Variants in BCAS3 observed in about 807,000 individuals in gnomAD.
BCAS3 encodes BCAS3 microtubule associated cell migration factor.
In BCAS3, 53 loss-of-function variants were observed where a neutral mutation model predicts 116.1. The observed-to-expected ratio is 0.46, with a 90% CI of 0.37 to 0.57. The LOEUF is 0.57. BCAS3 is among the 20% of genes least tolerant of loss of function. The pLI is 0.00. For missense variants in BCAS3, 917 were observed against 1,165.4 expected, an observed-to-expected ratio of 0.79 and a Z score of 3.10; for synonymous variants, 391 against 408.2, an observed-to-expected ratio of 0.96 and a Z score of 0.51.
At chr17:60,830,629 C>T (rs916113521) in intron 7 of BCAS3, among the ~76,000 whole-genome samples, 1 of 151,892 alleles carries the variant, frequency 6.6e-6, no homozygotes. Flanking sequence ...TACTGAGGAC[C>T]AAATATTTGA....
rs560233572 is a variant in BCAS3 at position 61,243,104 on chromosome 17, G to A, written c.2426-125223G>A. Among the ~76,000 whole-genome samples the A allele has an allele frequency of 4.7e-4, 72 of 152,164 alleles. No homozygotes were observed. The highest frequency in any genetic ancestry group is 1.6e-3 in the African/African-American group (68 of 41,512). ...TTTTTGTATTTTTAGTAGAGATGGGGTTTCACCATGTTGGCCAAGATGGCC... is the reference window on the plus strand; with the variant it reads ...TTTTTGTATTTTTAGTAGAGATGGGATTTCACCATGTTGGCCAAGATGGCC... On this transcript the variant is annotated intron_variant, in intron 22 of 23. Coordinates refer to ENST00000407086, the MANE Select transcript of BCAS3 (RefSeq NM_017679.5). This position sits in a 1 kb window ranked among gnomAD's most constrained non-coding sequence, Gnocchi z 5.6.
In BCAS3 at chr17:61,118,686, A is replaced by C. The variant is rs1484326850; in HGVS notation, c.2425+34122A>C. Reference sequence around the variant, plus strand: ...GTAGAGAGAAGCAATTATTGTCTAAAAGTTTCTGTCTTGCTAGGCTACACA... The same window carrying C: ...GTAGAGAGAAGCAATTATTGTCTAACAGTTTCTGTCTTGCTAGGCTACACA... On this transcript the variant is annotated intron_variant, in intron 22 of 23. Transcript: ENST00000407086. The surrounding 1 kb of genome is among the most constrained non-coding windows in gnomAD (Gnocchi z 5.0). Among the ~76,000 whole-genome samples the C allele has an allele frequency of 6.6e-6, 1 of 151,978 alleles. No homozygotes were observed. Among genetic ancestry groups the C allele is most frequent in the African/African-American group, 2.4e-5 (1 of 41,368 alleles).
intron 16 of BCAS3, 76 bp downstream of exon 16, chr17:61,015,977 C>A (rs2065427011): frequency 7.0e-7 from 1 of 1,430,296 alleles, no homozygotes; most frequent in Non-Finnish European, 9.6e-7. Context: ...CATACTTTTT[C>A]TTTGTGTGGT....
chr17:61,295,000 A>G (rs2052759286), intron 22 of BCAS3, among the ~76,000 whole-genome samples: 1 of 152,140 alleles, frequency 6.6e-6, no homozygotes, highest in Admixed American at 6.5e-5. Flanking sequence ...TGACATCACT[A>G]CTCAAGACTG....
rs1048375961 is a variant in BCAS3 at position 61,381,496 on chromosome 17, A to G, written c.2594-10481A>G. On this transcript the variant is annotated intron_variant, in intron 23 of 23. Transcript: ENST00000407086. The surrounding 1 kb of genome is among the most constrained non-coding windows in gnomAD (Gnocchi z 6.0). ...AAGAGGGCAACAGAGGCCGTGCCCC[A>G]ACACCATTCCTTTGGCTAGGCTTGG... is the stretch of plus-strand genomic sequence containing the variant. 6.6e-5 allele frequency among the ~76,000 whole-genome samples: 10 copies of G among 152,196 alleles called. No individual in the cohort carries two copies. The highest frequency in any genetic ancestry group is 2.4e-4 in the African/African-American group (10 of 41,460).
chr17:60,734,513 G>A (rs2040776086), intron 5 of BCAS3, among the ~76,000 whole-genome samples: 1 of 152,202 alleles, frequency 6.6e-6, no homozygotes. Context: ...TGTGAAGGGT[G>A]TAAGGTCTGT....
rs1270983858 is a variant in BCAS3, at chr17:61,356,120, G to A, written c.2426-12207G>A. Among the ~76,000 whole-genome samples, 1 of 152,190 alleles carries A rather than the reference G, an allele frequency of 6.6e-6. No individual in the cohort carries two copies. Among genetic ancestry groups the A allele is most frequent in the Admixed American group, 6.5e-5 (1 of 15,290 alleles). ...AGTGATTCTCCTGCCTCAGCCTCCCGAGTAGCTGGGATTACAGGCGCCTGC... is the reference window on the plus strand; with the variant it reads ...AGTGATTCTCCTGCCTCAGCCTCCCAAGTAGCTGGGATTACAGGCGCCTGC... On this transcript the variant is annotated intron_variant, in intron 22 of 23. Transcript: ENST00000407086. The surrounding 1 kb of genome is among the most constrained non-coding windows in gnomAD (Gnocchi z 5.4).
chr17:60,845,709 C>G (rs1252644411), intron 7 of BCAS3, among the ~76,000 whole-genome samples: 1 of 152,076 alleles, frequency 6.6e-6, no homozygotes, highest in Non-Finnish European at 1.5e-5. Flanking sequence ...GCTATCGTTC[C>G]TAGAGGTTCC....
chr17:61,046,215 T>C (rs976662336), intron 19 of BCAS3, among the ~76,000 whole-genome samples: 2 of 137,444 alleles, frequency 1.5e-5, no homozygotes, highest in Non-Finnish European at 3.1e-5. Flanking sequence ...TATTACTCTC[T>C]TGCTTTCTCC....
chr17:61,002,560 T>C (rs953155502), intron 15 of BCAS3: 2 of 152,160 alleles, frequency 1.3e-5, no homozygotes, highest in Non-Finnish European at 2.9e-5. Context: ...TTTCTTCCTT[T>C]TTATTATGTT....
chr17:61,017,076 G>A lies in BCAS3; in HGVS notation c.1637+1175G>A, dbSNP rs1474157838. 6.6e-6 allele frequency: 1 copy of A among 151,970 alleles called. No individual in the cohort carries two copies. Among genetic ancestry groups the A allele is most frequent in the Admixed American group, 6.6e-5 (1 of 15,256 alleles). The allele number at this position is 151,970 out of a possible 1,614,324, so 9.4% of individuals were successfully genotyped here. A position where few individuals can be genotyped will look rare whatever the true frequency, so the allele number is the denominator to read the frequency against. On this transcript the variant is annotated intron_variant, in intron 16 of 23. Transcript: ENST00000407086. This position sits in a 1 kb window ranked among gnomAD's most constrained non-coding sequence, Gnocchi z 4.7. ...AGACATCTTAAGGCACCAATAATTTGGTCTGTATATCTTTTTAATTTTTTT... is the reference window on the plus strand; with the variant it reads ...AGACATCTTAAGGCACCAATAATTTAGTCTGTATATCTTTTTAATTTTTTT...
chr17:61,380,488 A>G lies in BCAS3; in HGVS notation c.2594-11489A>G, dbSNP rs780010514. ...AGTTTGTGATCCGCTTTAAAGGAAT[A>G]TTTTATTTTCAATACAGACACAGCC... On this transcript the variant is annotated intron_variant, in intron 23 of 23. Coordinates refer to ENST00000407086, the MANE Select transcript of BCAS3 (RefSeq NM_017679.5). This position sits in a 1 kb window ranked among gnomAD's most constrained non-coding sequence, Gnocchi z 4.2. 1 of 1,593,932 alleles carries G rather than the reference A, an allele frequency of 6.3e-7. No homozygotes were observed. Among genetic ancestry groups the G allele is most frequent in the Non-Finnish European group, 8.5e-7 (1 of 1,175,982 alleles).
chr17:61,304,669 C>T (rs1269810257), intron 22 of BCAS3, among the ~76,000 whole-genome samples: 3 of 152,168 alleles, frequency 2.0e-5, no homozygotes, highest in African/African-American at 7.2e-5. Flanking sequence ...ATGTCCCTGA[C>T]ACAGGTAGTC....
chr17:61,152,040 G>A (rs951647482), intron 22 of BCAS3, among the ~76,000 whole-genome samples: 2 of 152,126 alleles, frequency 1.3e-5, no homozygotes, highest in Non-Finnish European at 2.9e-5. Flanking sequence ...TGGTTCCTTC[G>A]GTGGGTTCAT....
intron 6 of BCAS3, among the ~76,000 whole-genome samples, chr17:60,753,982 C>T (rs1005888292): frequency 2.0e-5 from 3 of 152,086 alleles, no homozygotes; most frequent in African/African-American, 7.2e-5. Context: ...TAGAATGCTA[C>T]TTTGTATAAA....
chr17:60,681,124 C>A (rs921355288), intron 2 of BCAS3, among the ~76,000 whole-genome samples: 1 of 152,064 alleles, frequency 6.6e-6, no homozygotes, highest in African/African-American at 2.4e-5. Flanking sequence ...AGGATCACCT[C>A]GGCCCAGGAG....
Position 61,226,655 on chromosome 17 carries a change from G to A in BCAS3, c.2426-141672G>A, listed in dbSNP as rs1460526740. On this transcript the variant is annotated intron_variant, in intron 22 of 23. Transcript: ENST00000407086. The surrounding 1 kb of genome is among the most constrained non-coding windows in gnomAD (Gnocchi z 6.0). ...GATGCAAAATAGCTCCAGTACTCAT[G>A]TGTATTTTCTGTATTTTTTCCTTTT... Among the ~76,000 whole-genome samples, 4 of 152,156 alleles carry A rather than the reference G, an allele frequency of 2.6e-5. No individual in the cohort carries two copies. Among genetic ancestry groups the A allele is most frequent in the African/African-American group, 7.2e-5 (3 of 41,428 alleles).
rs2061399972 is a variant in BCAS3 at position 60,961,277 on chromosome 17, T to C, written c.1221+13925T>C. ...ATTAAACCTCTGTATCCGTTAAGGT[T>C]CTACCAGAGAAACAGAATCAGTAGG... On this transcript the variant is annotated intron_variant, in intron 14 of 23. Coordinates refer to ENST00000407086, the MANE Select transcript of BCAS3 (RefSeq NM_017679.5). The surrounding 1 kb of genome is among the most constrained non-coding windows in gnomAD (Gnocchi z 4.8). Among the ~76,000 whole-genome samples the C allele has an allele frequency of 6.6e-6, 1 of 152,180 alleles. No homozygotes were observed. The highest frequency in any genetic ancestry group is 6.5e-5 in the Admixed American group (1 of 15,272).
rs568175645 is a variant in BCAS3 at position 61,128,560 on chromosome 17, A to G, written c.2425+43996A>G. The G allele has an allele frequency of 2.0e-6, 2 of 985,312 alleles. No homozygotes were observed. The highest frequency in any genetic ancestry group is 1.7e-5 in the African/African-American group (1 of 57,248). The allele number at this position is 985,312 out of a possible 1,614,324, so 61.0% of individuals were successfully genotyped here. On this transcript the variant is annotated intron_variant, in intron 22 of 23. Transcript: ENST00000407086. The surrounding 1 kb of genome is among the most constrained non-coding windows in gnomAD (Gnocchi z 4.1). The stretch of plus-strand genomic sequence containing the variant: ...ATCGTTTGAATCGTTTGACTGCTAT[A>G]CACAATCCCCAGCACTTATAAAATA...
Sources: gnomAD v4.1 joint callset for allele counts (sites outside exome capture counted in the v4.1 genomes callset) on GRCh38, gnomAD v4.1.1 for gene constraint, Gnocchi (gnomAD v3.1) non-coding constraint, MANE v1.5 for transcripts, NCBI Gene and HGNC (gene_info 2026-07-23, HGNC 2026-07-21) for gene names.